Variants in KCNQ4 observed in about 807,000 individuals in gnomAD.
KCNQ4 encodes potassium voltage-gated channel subfamily Q member 4.
A neutral mutation model predicts 72.6 loss-of-function variants in KCNQ4; 31 were observed. The observed-to-expected ratio is 0.43, with a 90% CI of 0.32 to 0.58. KCNQ4 has a LOEUF of 0.58. Ranked by LOEUF, KCNQ4 falls within the 20% of genes least tolerant of loss-of-function variation. The pLI, the probability that KCNQ4 is intolerant of heterozygous loss-of-function variation, is 0.08. For missense variants in KCNQ4, 869 were observed against 962.6 expected (o/e 0.90, Z 1.29); for synonymous variants, 405 against 403.7 (o/e 1.00, Z -0.04).
Position 40,838,406 on chromosome 1 carries a change from GCCGCTGTTCGACC to G in KCNQ4, c.1975_1987del (p.Leu659ThrfsTer78), listed in dbSNP as rs1648874814. 6.2e-7 allele frequency: 1 copy of G among 1,613,974 alleles called. No individual in the cohort carries two copies. The highest frequency in any genetic ancestry group is 8.5e-7 in the Non-Finnish European group (1 of 1,179,962). ...CGGCCAGCCTGGGCGCCGTGCAAGT[GCCGCTGTTCGACC>G]CCGACATCACCTCCGACTACCACAG... On this transcript the variant is annotated frameshift_variant, in exon 14 of 14. Transcript: ENST00000347132. LOFTEE classifies it high-confidence loss of function.
At position 40,784,502 on chromosome 1, in the gene KCNQ4, CT is replaced by C; in HGVS notation, c.314+96del. 4.0e-6 allele frequency: 5 copies of C among 1,245,176 alleles called. No individual in the cohort carries two copies. The highest frequency in any genetic ancestry group is 5.8e-6 in the Non-Finnish European group (5 of 864,888). The allele number at this position is 1,245,176 out of a possible 1,614,324, so 77.1% of individuals were successfully genotyped here. On this transcript the variant is annotated intron_variant, in intron 1 of 13. Transcript: ENST00000347132. The surrounding 1 kb of genome is among the most constrained non-coding windows in gnomAD (Gnocchi z 4.1). Reference sequence around the variant, plus strand: ...CGCCCTGGCTCCGCCTTCTACCCCCCTGCCTCAGGGCCGACCCTCATCTCTC... The same window carrying C: ...CGCCCTGGCTCCGCCTTCTACCCCCCGCCTCAGGGCCGACCCTCATCTCTC...
chr1:40,831,136 A>G lies in KCNQ4; in HGVS notation c.1345A>G (p.Thr449Ala), dbSNP rs1570847758. Residue 449 changes from threonine to alanine, a missense_variant, in exon 10 of 14, where the codon ACG becomes GCG. Transcript: ENST00000347132. ...RIRMGSSQRR[T>A]GPSKQHLAPP... ...CCGCATGGGCAGCTCCCAGCGGCGG[A>G]CGGGTCCTTCCAAGCAGCATCTGGC... 2 of 1,610,426 alleles carry G rather than the reference A, an allele frequency of 1.2e-6. No homozygotes were observed. The highest frequency in any genetic ancestry group is 2.2e-5 in the South Asian group (2 of 90,426).
chr1:40,801,329 T>G (rs1281585809), intron 1 of KCNQ4, among the ~76,000 whole-genome samples: 1 of 152,176 alleles, frequency 6.6e-6, no homozygotes, highest in African/African-American at 2.4e-5. Context: ...TCTCCTGCTA[T>G]TCCACTGCCC....
chr1:40,816,613 G>C (rs946918280), intron 1 of KCNQ4, among the ~76,000 whole-genome samples: 2 of 152,172 alleles, frequency 1.3e-5, no homozygotes, highest in African/African-American at 4.8e-5. Flanking sequence ...GTAGTTTCAT[G>C]CTGTCTGCAG....
rs1382608303 is a variant in KCNQ4, at chr1:40,839,554, AG to A, written c.*1033del. ...GCCTTGCAGGGTGACGACCACTAAG[AG>A]GAAGACCCCCAACTCCATCTGAGCA... On this transcript the variant is annotated 3_prime_UTR_variant, in exon 14 of 14. Transcript: ENST00000347132. 1 of 152,190 alleles carries A rather than the reference AG, an allele frequency of 6.6e-6. No individual in the cohort carries two copies. Among genetic ancestry groups the A allele is most frequent in the Admixed American group, 6.5e-5 (1 of 15,278 alleles). The allele number at this position is 152,190 out of a possible 1,614,324, so 9.4% of individuals were successfully genotyped here.
chr1:40,833,221 C>G, intron 11 of KCNQ4, 108 bp downstream of exon 11: 1 of 762,354 alleles, frequency 1.3e-6, no homozygotes, highest in South Asian at 1.4e-5. Context: ...CCAGCCTGGC[C>G]AACATGGTGA....
At chr1:40,796,264 T>C (rs115620818) in intron 1 of KCNQ4, among the ~76,000 whole-genome samples, 2,378 of 152,220 alleles carry the variant, frequency 0.016, 72 homozygotes, top group African/African-American at 0.055. Flanking sequence ...GTCACCTCCC[T>C]CTCTGAGTCT....
At chr1:40,787,443 A>G (rs1391357068) in intron 1 of KCNQ4, among the ~76,000 whole-genome samples, 4 of 152,132 alleles carry the variant, frequency 2.6e-5, no homozygotes, top group Admixed American at 1.3e-4. Context: ...GCCCTAGGGT[A>G]TGCCTCCCTC....
chr1:40,805,956 C>T (rs1190532735), intron 1 of KCNQ4, among the ~76,000 whole-genome samples: 2 of 152,200 alleles, frequency 1.3e-5, no homozygotes, highest in Non-Finnish European at 2.9e-5. Flanking sequence ...ATTCTTCTGC[C>T]TCAGCCTCTG....
intron 5 of KCNQ4, 73 bp downstream of exon 5, chr1:40,819,545 C>T: frequency 1.3e-6 from 2 of 1,589,830 alleles, no homozygotes; most frequent in Non-Finnish European, 1.7e-6. Flanking sequence ...GTCTGCCCAT[C>T]GTGACTCCTG....
At chr1:40,791,555 AG>A (rs1647283857) in intron 1 of KCNQ4, among the ~76,000 whole-genome samples, 1 of 152,180 alleles carries the variant, frequency 6.6e-6, no homozygotes, top group Non-Finnish European at 1.5e-5. Context: ...CAGGAGGGGC[AG>A]CCCCAGGCAG....
intron 4 of KCNQ4, among the ~76,000 whole-genome samples, chr1:40,819,142 G>A (rs1273934045): frequency 7.3e-6 from 1 of 136,958 alleles, no homozygotes; most frequent in African/African-American, 2.6e-5. Context: ...GAGGGTGGGG[G>A]TGGGAATGGG....
At position 40,838,383 on chromosome 1, in the gene KCNQ4, G is replaced by T. The variant is rs982728141; in HGVS notation, c.1948G>T (p.Ala650Ser). ...YSRCLRSGTS[A>S]SLGAVQVPLF... Reference sequence around the variant, plus strand: ...GCGCTGCCTGCGCTCTGGCACCTCGGCCAGCCTGGGCGCCGTGCAAGTGCC... The same window carrying T: ...GCGCTGCCTGCGCTCTGGCACCTCGTCCAGCCTGGGCGCCGTGCAAGTGCC... Residue 650 changes from alanine to serine, a missense_variant, in exon 14 of 14, where the codon GCC becomes TCC. By Grantham distance (99) the Ala-to-Ser change is moderately conservative. This residue lies in a region of KCNQ4 where 480 missense variants were observed against 501.9 expected (regional missense o/e 0.96). Coordinates refer to ENST00000347132, the MANE Select transcript of KCNQ4 (RefSeq NM_004700.4). 3 of 1,613,924 alleles carry T rather than the reference G, an allele frequency of 1.9e-6. No homozygotes were observed. In the African/African-American group the frequency reaches 4.0e-5, roughly 22 times the overall value.
chr1:40,788,983 A>G lies in KCNQ4; in HGVS notation c.314+4576A>G, dbSNP rs1435828978. ...TTCCCTGACTTCACAGACACTCACC[A>G]TGGACACACACCCGGGCCCGTGGCT... is the stretch of plus-strand genomic sequence containing the variant. On this transcript the variant is annotated intron_variant, in intron 1 of 13. Coordinates refer to ENST00000347132, the MANE Select transcript of KCNQ4 (RefSeq NM_004700.4). The surrounding 1 kb of genome is among the most constrained non-coding windows in gnomAD (Gnocchi z 4.5). Among the ~76,000 whole-genome samples the G allele has an allele frequency of 2.0e-5, 3 of 152,178 alleles. No homozygotes were observed. Among genetic ancestry groups the G allele is most frequent in the Non-Finnish European group, 2.9e-5 (2 of 68,020 alleles).
rs1648872345 is a variant in KCNQ4, at chr1:40,838,354, A to G, written c.1919A>G (p.Tyr640Cys). The change falls in exon 14 of 14, where the codon TAT becomes TGT. Residue 640 changes from tyrosine to cysteine, a missense_variant. Tyr to Cys is a radical substitution (Grantham distance 194). Around this residue, in one of 5 missense-constraint regions of KCNQ4, gnomAD observed 480 missense variants for 501.9 expected, o/e 0.96. Coordinates refer to ENST00000347132, the MANE Select transcript of KCNQ4 (RefSeq NM_004700.4). ...AAGCTGGACCTGCTGTTGGGCTTCT[A>G]TTCGCGCTGCCTGCGCTCTGGCACC... Reference protein sequence around the residue: ...EHKLDLLLGFYSRCLRSGTSA... With the variant: ...EHKLDLLLGFCSRCLRSGTSA... 1 of 1,613,810 alleles carries G rather than the reference A, an allele frequency of 6.2e-7. No homozygotes were observed. The highest frequency in any genetic ancestry group is 1.1e-5 in the South Asian group (1 of 91,088).
chr1:40,808,715 G>A (rs1419653906), intron 1 of KCNQ4, among the ~76,000 whole-genome samples: 1 of 152,160 alleles, frequency 6.6e-6, no homozygotes, highest in African/African-American at 2.4e-5. Flanking sequence ...CTGGATCCCA[G>A]CCTCCCATCT....
chr1:40,829,672 T>A (rs187063078), intron 9 of KCNQ4, among the ~76,000 whole-genome samples: 1 of 152,258 alleles, frequency 6.6e-6, no homozygotes, highest in East Asian at 1.9e-4. Flanking sequence ...TGAGAGTAGG[T>A]GACACGGTGT....
At chr1:40,787,795 G>A (rs1005256812) in intron 1 of KCNQ4, among the ~76,000 whole-genome samples, 2 of 152,120 alleles carry the variant, frequency 1.3e-5, no homozygotes, top group African/African-American at 4.8e-5. Flanking sequence ...CATCCTGCTC[G>A]CTGAGCCCTT....
rs1383937107 is a variant in KCNQ4, at chr1:40,835,101, G to A, written c.1745+3G>A. 6.2e-7 allele frequency: 1 copy of A among 1,612,886 alleles called. No individual in the cohort carries two copies. The highest frequency in any genetic ancestry group is 1.1e-5 in the South Asian group (1 of 91,050). ...CGGATCAAGAGCCTGCAAACTCGGTGGGTGCACCGGGCCTGTTGGGAGGCA... is the reference window on the plus strand; with the variant it reads ...CGGATCAAGAGCCTGCAAACTCGGTAGGTGCACCGGGCCTGTTGGGAGGCA... On this transcript the variant is annotated splice_donor_region_variant and intron_variant, in intron 12 of 13. Transcript: ENST00000347132.
Sources: gnomAD v4.1 joint callset for allele counts (sites outside exome capture counted in the v4.1 genomes callset) on GRCh38, gnomAD v4.1.1 for gene constraint, gnomAD v4.1.1 regional missense constraint, Gnocchi (gnomAD v3.1) non-coding constraint, MANE v1.5 for transcripts, NCBI Gene and HGNC (gene_info 2026-07-23, HGNC 2026-07-21) for gene names.